The following CMTM8 variants were observed in gnomAD, a reference collection of about 807,000 sequenced individuals.
The protein encoded by CMTM8 is CKLF-like MARVEL transmembrane domain-containing protein 8.
A neutral mutation model predicts 18.6 loss-of-function variants in CMTM8; 12 were observed. The observed-to-expected ratio is 0.65, with a 90% confidence interval of 0.41 to 1.05. CMTM8 has a LOEUF of 1.05. Among genes scored for constraint, CMTM8 ranks in the 50% least tolerant of loss-of-function variants. CMTM8 has a pLI of 0.00. For missense variants in CMTM8, 217 were observed against 227.2 expected (o/e 0.95, Z 0.29); for synonymous variants, 87 against 90.6 (o/e 0.96, Z 0.23).
intron 1 of CMTM8, among the ~76,000 whole-genome samples, chr3:32,300,686 C>T (rs949670264): frequency 6.6e-5 from 10 of 152,020 alleles, no homozygotes; most frequent in East Asian, 1.9e-4. Context: ...AGGCTGGGCA[C>T]GGTGGTTCAC....
chr3:32,369,518 A>G (rs1695606584), intron 3 of CMTM8, among the ~76,000 whole-genome samples: 1 of 151,836 alleles, frequency 6.6e-6, no homozygotes, highest in Non-Finnish European at 1.5e-5. Context: ...ACTCTGGCCC[A>G]CTCGACTCAT....
chr3:32,339,148 A>G (rs1696444827), intron 1 of CMTM8, among the ~76,000 whole-genome samples: 1 of 152,212 alleles, frequency 6.6e-6, no homozygotes, highest in African/African-American at 2.4e-5. Flanking sequence ...CTTACCTTCA[A>G]GAAGAGCATC....
chr3:32,361,287 T>TTTTTTTTTTGTTTTTTTGTTTG, intron 2 of CMTM8, among the ~76,000 whole-genome samples: 1 of 33,650 alleles, frequency 3.0e-5, no homozygotes, highest in Admixed American at 6.0e-4. Flanking sequence ...AGCCTAAGAG[T>TTTTTTTTTTGTTTTTTTGTTTG]TTTTTTTTCT....
chr3:32,329,522 A>G (rs1051828277), intron 1 of CMTM8, among the ~76,000 whole-genome samples: 1 of 152,268 alleles, frequency 6.6e-6, no homozygotes, highest in African/African-American at 2.4e-5. Context: ...ATAAAACCAC[A>G]TGATCATCTC....
At chr3:32,334,212 A>T (rs1376981461) in intron 1 of CMTM8, among the ~76,000 whole-genome samples, 1 of 151,660 alleles carries the variant, frequency 6.6e-6, no homozygotes, top group East Asian at 2.0e-4. Flanking sequence ...TCCTGGCCTC[A>T]GGTGATCCAC....
chr3:32,298,882 CAT>C (rs548404954), intron 1 of CMTM8, among the ~76,000 whole-genome samples: 3 of 142,808 alleles, frequency 2.1e-5, no homozygotes, highest in Admixed American at 1.4e-4. Context: ...CACACACATA[CAT>C]ATATATACAC....
At chr3:32,291,876 C>T (rs1275301730) in intron 1 of CMTM8, among the ~76,000 whole-genome samples, 1 of 152,188 alleles carries the variant, frequency 6.6e-6, no homozygotes, top group African/African-American at 2.4e-5. Context: ...GAGTCCTTTC[C>T]TGCCACTCTG....
At chr3:32,271,283 C>G (rs188134002) in intron 1 of CMTM8, among the ~76,000 whole-genome samples, 1 of 152,152 alleles carries the variant, frequency 6.6e-6, no homozygotes, top group Non-Finnish European at 1.5e-5. Context: ...TGCGCCACCA[C>G]GCCCGGTAAT....
At chr3:32,345,922 AG>A (rs1323305342) in intron 1 of CMTM8, among the ~76,000 whole-genome samples, 3 of 152,250 alleles carry the variant, frequency 2.0e-5, no homozygotes, top group African/African-American at 7.2e-5. Flanking sequence ...TGGGAGGCCA[AG>A]GTGGGCAGAT....
chr3:32,326,908 T>C (rs985442256), intron 1 of CMTM8, among the ~76,000 whole-genome samples: 1 of 152,152 alleles, frequency 6.6e-6, no homozygotes. Flanking sequence ...TCTCAACATG[T>C]CTTGATGGGA....
chr3:32,349,465 T>C (rs993031155), intron 1 of CMTM8, among the ~76,000 whole-genome samples: 2 of 152,186 alleles, frequency 1.3e-5, no homozygotes, highest in Non-Finnish European at 2.9e-5. Flanking sequence ...GTTTCCACTA[T>C]AATGTTCAGA....
intron 1 of CMTM8, among the ~76,000 whole-genome samples, chr3:32,287,299 T>C (rs1702704926): frequency 6.6e-6 from 1 of 152,240 alleles, no homozygotes; most frequent in African/African-American, 2.4e-5. Flanking sequence ...TTGAAGTTTT[T>C]CTTCAATTTT....
chr3:32,274,862 G>A (rs1428413708), intron 1 of CMTM8, among the ~76,000 whole-genome samples: 3 of 152,168 alleles, frequency 2.0e-5, no homozygotes, highest in Non-Finnish European at 2.9e-5. Flanking sequence ...CAAATTATGT[G>A]TGTGTGGTGT....
intron 1 of CMTM8, among the ~76,000 whole-genome samples, chr3:32,324,639 T>C (rs1032821270): frequency 4.6e-5 from 7 of 152,222 alleles, no homozygotes; most frequent in Admixed American, 4.6e-4. Flanking sequence ...AGGACAAAGA[T>C]GGCAGGGCCT....
At chr3:32,287,748 T>C (rs115889852) in intron 1 of CMTM8, among the ~76,000 whole-genome samples, 51 of 152,330 alleles carry the variant, frequency 3.3e-4, no homozygotes, top group African/African-American at 1.2e-3. Context: ...GTGTCCGCCA[T>C]TATTTAATGT....
chr3:32,287,781 G>A (rs1237701142), intron 1 of CMTM8, among the ~76,000 whole-genome samples: 3 of 152,132 alleles, frequency 2.0e-5, no homozygotes, highest in Non-Finnish European at 4.4e-5. Context: ...ATATGGAGAT[G>A]GCAGAAGAGA....
At chr3:32,366,996 C>CTT (rs1289977393) in intron 2 of CMTM8, among the ~76,000 whole-genome samples, 1 of 152,094 alleles carries the variant, frequency 6.6e-6, no homozygotes, top group African/African-American at 2.4e-5. Context: ...TTCTATGTAG[C>CTT]TTTTTTTTCT....
At chr3:32,367,582 A>G (rs1403737574) in intron 2 of CMTM8, among the ~76,000 whole-genome samples, 1 of 152,138 alleles carries the variant, frequency 6.6e-6, no homozygotes, top group East Asian at 1.9e-4. Context: ...CTTGGCTGAC[A>G]TCTGGATGAG....
chr3:32,287,700 G>T (rs1328196183), intron 1 of CMTM8, among the ~76,000 whole-genome samples: 2 of 152,104 alleles, frequency 1.3e-5, no homozygotes, highest in Non-Finnish European at 2.9e-5. Context: ...AAATATTTTA[G>T]AAAATTATTA....
Sources: gnomAD v4.1 joint callset for allele counts (sites outside exome capture counted in the v4.1 genomes callset) on GRCh38, gnomAD v4.1.1 for gene constraint, MANE v1.5 for transcripts, NCBI Gene and HGNC (gene_info 2026-07-23, HGNC 2026-07-21) for gene names.